The following RB1 variants were observed in gnomAD, a reference collection of about 807,000 sequenced individuals.
RB1 encodes the protein RB transcriptional corepressor 1, also known as retinoblastoma-associated protein.
RB1 carries 18 observed loss-of-function variants against 135.4 expected under a neutral mutation model. That is an observed-to-expected ratio of 0.13 (90% CI 0.09 to 0.20). RB1 has a LOEUF of 0.20. Ranked by LOEUF, RB1 falls within the 10% of genes least tolerant of loss-of-function variation. The probability of loss-of-function intolerance (pLI) is 1.00; values close to 1 mark genes in which losing one functional copy is unlikely to be tolerated. For missense variants in RB1, 868 were observed against 1,110.0 expected (o/e 0.78, Z 3.10); for synonymous variants, 365 against 373.2 (o/e 0.98, Z 0.25).
chr13:48,376,478 C>T (rs953280547), intron 12 of RB1, among the ~76,000 whole-genome samples: 7 of 136,470 alleles, frequency 5.1e-5, no homozygotes, highest in Admixed American at 1.6e-4. Flanking sequence ...CCAGCCTGGG[C>T]GACAGAGTGA....
intron 7 of RB1, among the ~76,000 whole-genome samples, chr13:48,362,009 G>A (rs1221777445): frequency 4.0e-5 from 6 of 148,790 alleles, no homozygotes; most frequent in African/African-American, 9.9e-5. Context: ...GTTCAGTGGC[G>A]CGATCTCAGC....
chr13:48,421,600 A>T (rs921927399), intron 17 of RB1, among the ~76,000 whole-genome samples: 2 of 151,988 alleles, frequency 1.3e-5, no homozygotes, highest in Non-Finnish European at 2.9e-5. Context: ...ATGGGAGAAA[A>T]TTTTTGCGAT....
At chr13:48,475,674 C>T (rs567951715) in intron 24 of RB1, among the ~76,000 whole-genome samples, 2 of 152,236 alleles carry the variant, frequency 1.3e-5, no homozygotes, top group South Asian at 2.1e-4. Context: ...AGCCCACACA[C>T]GAGGGGAGGA....
intron 17 of RB1, among the ~76,000 whole-genome samples, chr13:48,392,283 G>A (rs1227724250): frequency 2.0e-5 from 3 of 151,648 alleles, no homozygotes; most frequent in African/African-American, 2.4e-5. Flanking sequence ...GCTAATTTTT[G>A]TATTTTTAGT....
chr13:48,397,346 G>C (rs1948656674), intron 17 of RB1, among the ~76,000 whole-genome samples: 1 of 152,166 alleles, frequency 6.6e-6, no homozygotes, highest in African/African-American at 2.4e-5. Context: ...CCTTTGCAGG[G>C]ACATGGATGA....
At chr13:48,368,455 C>T in intron 10 of RB1, 72 bp from the exon 11 acceptor site, 2 of 1,584,166 alleles carry the variant, frequency 1.3e-6, no homozygotes, top group Non-Finnish European at 1.7e-6. Context: ...AAGCATTATA[C>T]TGCTTTTTTG....
At chr13:48,334,791 G>T (rs1260608246) in intron 2 of RB1, among the ~76,000 whole-genome samples, 1 of 152,138 alleles carries the variant, frequency 6.6e-6, no homozygotes, top group East Asian at 1.9e-4. Flanking sequence ...CTAATTAGGG[G>T]TTATCATTAG....
At chr13:48,307,063 C>T (rs1245843657) in intron 1 of RB1, among the ~76,000 whole-genome samples, 1 of 152,122 alleles carries the variant, frequency 6.6e-6, no homozygotes, top group Admixed American at 6.5e-5. Context: ...AAATATTTTT[C>T]ACTGTGTGGT....
intron 2 of RB1, among the ~76,000 whole-genome samples, chr13:48,325,810 T>C (rs1201185876): frequency 6.6e-6 from 1 of 152,172 alleles, no homozygotes; most frequent in Non-Finnish European, 1.5e-5. Flanking sequence ...TCCTTATATA[T>C]ACATTTTCAT....
intron 17 of RB1, among the ~76,000 whole-genome samples, chr13:48,396,227 C>T (rs532725091): frequency 7.9e-5 from 12 of 152,202 alleles, no homozygotes; most frequent in African/African-American, 1.4e-4. Context: ...GGAGGCATCA[C>T]GCTACTTGAC....
intron 2 of RB1, among the ~76,000 whole-genome samples, chr13:48,329,004 A>G (rs1952311466): frequency 6.6e-6 from 1 of 152,086 alleles, no homozygotes; most frequent in South Asian, 2.1e-4. Flanking sequence ...ATTTATGTAC[A>G]TTATAATTTT....
At chr13:48,339,308 C>A (rs1229267932) in intron 2 of RB1, among the ~76,000 whole-genome samples, 1 of 152,326 alleles carries the variant, frequency 6.6e-6, no homozygotes, top group East Asian at 1.9e-4. Context: ...CCTTGACCTG[C>A]GGTGGGCTCC....
chr13:48,452,573 T>G (rs1949334508), intron 17 of RB1, among the ~76,000 whole-genome samples: 1 of 152,112 alleles, frequency 6.6e-6, no homozygotes. Context: ...ATCTCTTTTC[T>G]TTATCTTGAT....
At chr13:48,408,941 C>T (rs1359067079) in intron 17 of RB1, among the ~76,000 whole-genome samples, 2 of 152,066 alleles carry the variant, frequency 1.3e-5, no homozygotes, top group Non-Finnish European at 2.9e-5. Flanking sequence ...ATTCTCCACC[C>T]CTTTCCCCCA....
chr13:48,456,440 T>C, intron 19 of RB1, 91 bp downstream of exon 19: 3 of 1,509,700 alleles, frequency 2.0e-6, no homozygotes, highest in South Asian at 1.2e-5. Flanking sequence ...GGTACATTAC[T>C]GGGCAAGTCA....
At chr13:48,307,209 G>GA in intron 1 of RB1, 71 bp from the exon 2 acceptor site, 3 of 1,320,016 alleles carry the variant, frequency 2.3e-6, no homozygotes, top group Non-Finnish European at 3.3e-6. Flanking sequence ...GCAAACTATT[G>GA]AAACAAGTAT....
intron 17 of RB1, among the ~76,000 whole-genome samples, chr13:48,420,029 C>T (rs1284021697): frequency 1.3e-5 from 2 of 152,192 alleles, no homozygotes; most frequent in Non-Finnish European, 2.9e-5. Context: ...TCCTCCTTAA[C>T]TCATTTTATA....
chr13:48,346,106 T>TG lies in RB1; in HGVS notation c.500+907_500+908insG, dbSNP rs1283671259. Among the ~76,000 whole-genome samples the TG allele has an allele frequency of 4.1e-4, 62 of 150,518 alleles. No individual in the cohort carries two copies. In the Middle Eastern group the frequency reaches 0.01, roughly 25 times the overall value. On this transcript the variant is annotated intron_variant, in intron 4 of 26. Coordinates refer to ENST00000267163, the MANE Select transcript of RB1 (RefSeq NM_000321.3). ...TATGGTAGCATTGGCCATCTTTTTT[T>TG]TTTTTTTTTTTTGGTCTTTTCTTGA...
chr13:48,366,128 G>A (rs565599987), intron 9 of RB1, among the ~76,000 whole-genome samples: 11 of 152,208 alleles, frequency 7.2e-5, no homozygotes, highest in African/African-American at 2.6e-4. Context: ...TTAAAATATG[G>A]TACTGAAGAG....
Sources: allele counts gnomAD v4.1 joint callset (sites outside exome capture counted in the v4.1 genomes callset), GRCh38; gene constraint gnomAD v4.1.1; transcripts MANE v1.5; gene names NCBI Gene and HGNC (gene_info 2026-07-23, HGNC 2026-07-21).